CACNG3: variants seen among roughly 807,000 people sequenced by gnomAD.
CACNG3 encodes voltage-dependent calcium channel gamma-3 subunit.
A neutral mutation model predicts 28.5 loss-of-function variants in CACNG3; 3 were observed. The observed-to-expected ratio is 0.11, with a 90% CI of 0.05 to 0.27. The LOEUF (loss-of-function observed/expected upper bound fraction) is 0.27. Among genes scored for constraint, CACNG3 ranks in the 10% least tolerant of loss-of-function variants. The pLI, the probability that CACNG3 is intolerant of heterozygous loss-of-function variation, is 1.00. For missense variants in CACNG3, 236 were observed against 414.4 expected, an observed-to-expected ratio of 0.57 and a Z score of 3.74; for synonymous variants, 174 against 162.2, an observed-to-expected ratio of 1.07 and a Z score of -0.55.
chr16:24,312,806 G>A (rs1899281163), intron 1 of CACNG3, among the ~76,000 whole-genome samples: 1 of 151,272 alleles, frequency 6.6e-6, no homozygotes, highest in East Asian at 1.9e-4. Context: ...ACCACAGAGT[G>A]AGACCTTGTC....
chr16:24,351,441 A>G (rs997027999), intron 2 of CACNG3, among the ~76,000 whole-genome samples: 1 of 151,780 alleles, frequency 6.6e-6, no homozygotes, highest in Non-Finnish European at 1.5e-5. Flanking sequence ...GTATGGTGGC[A>G]TGCGCCTGTA....
At chr16:24,330,085 A>G (rs1240989811) in intron 1 of CACNG3, among the ~76,000 whole-genome samples, 1 of 152,176 alleles carries the variant, frequency 6.6e-6, no homozygotes, top group Non-Finnish European at 1.5e-5. Context: ...AGTGTCTGGT[A>G]ATGAGACATA....
chr16:24,286,787 G>T (rs932210997), intron 1 of CACNG3, among the ~76,000 whole-genome samples: 1 of 152,194 alleles, frequency 6.6e-6, no homozygotes, highest in Non-Finnish European at 1.5e-5. Context: ...ACTGGTAGGT[G>T]GTATAGCTGG....
chr16:24,278,139 T>C (rs1483979711), intron 1 of CACNG3, among the ~76,000 whole-genome samples: 1 of 152,094 alleles, frequency 6.6e-6, no homozygotes, highest in Non-Finnish European at 1.5e-5. Flanking sequence ...CCTTGGAGTA[T>C]GGAAGGTAGT....
chr16:24,280,821 C>CAAAAAAAAAAAAAAAAA (rs71154295), intron 1 of CACNG3, among the ~76,000 whole-genome samples: 2 of 55,626 alleles, frequency 3.6e-5, no homozygotes, highest in Non-Finnish European at 6.4e-5. Flanking sequence ...GAGTTTGTCT[C>CAAAAAAAAAAAAAAAAA]AAAAAAAAAA....
At chr16:24,271,213 T>C (rs550080914) in intron 1 of CACNG3, among the ~76,000 whole-genome samples, 1 of 152,354 alleles carries the variant, frequency 6.6e-6, no homozygotes, top group South Asian at 2.1e-4. Context: ...ACCTCCCTTG[T>C]TCTCTCAGAC....
chr16:24,311,043 GGGCAC>G (rs1198190780), intron 1 of CACNG3, among the ~76,000 whole-genome samples: 2 of 152,126 alleles, frequency 1.3e-5, no homozygotes, highest in Non-Finnish European at 2.9e-5. Flanking sequence ...GCCAGCCCAG[GGGCAC>G]TTGGGTTGTC....
At chr16:24,314,889 A>T (rs374275163) in intron 1 of CACNG3, among the ~76,000 whole-genome samples, 1 of 152,144 alleles carries the variant, frequency 6.6e-6, no homozygotes, top group South Asian at 2.1e-4. Flanking sequence ...GGTTATGATG[A>T]TCGAAAAACC....
chr16:24,331,637 T>A (rs954333263), intron 1 of CACNG3, among the ~76,000 whole-genome samples: 1 of 152,216 alleles, frequency 6.6e-6, no homozygotes. Flanking sequence ...GGACCATACA[T>A]GCTCCTTTTC....
chr16:24,320,270 C>T lies in CACNG3; in HGVS notation c.212-26464C>T, dbSNP rs1178837998. 2.0e-5 allele frequency among the ~76,000 whole-genome samples: 3 copies of T among 152,178 alleles called. 1 individual carries two copies. Among genetic ancestry groups the T allele is most frequent in the Non-Finnish European group, 4.4e-5 (3 of 68,040 alleles). The stretch of plus-strand genomic sequence containing the variant: ...TTACAAAGGCATGAGGGTTCATTTA[C>T]CACAGATAACTTAACACCCCCGGGC... On this transcript the variant is annotated intron_variant, in intron 1 of 3. Transcript: ENST00000005284.
intron 1 of CACNG3, among the ~76,000 whole-genome samples, chr16:24,306,229 A>G (rs2141362393): frequency 6.6e-6 from 1 of 152,246 alleles, no homozygotes; most frequent in East Asian, 1.9e-4. Context: ...ATTTCTTTGC[A>G]TTTGACTGCA....
chr16:24,309,204 A>G (rs1196879118), intron 1 of CACNG3, among the ~76,000 whole-genome samples: 1 of 152,246 alleles, frequency 6.6e-6, no homozygotes, highest in Non-Finnish European at 1.5e-5. Flanking sequence ...CAGAGTAGAA[A>G]AAGAAGGCAG....
intron 2 of CACNG3, among the ~76,000 whole-genome samples, chr16:24,347,360 G>A (rs1343577934): frequency 6.7e-6 from 1 of 148,748 alleles, no homozygotes; most frequent in Non-Finnish European, 1.5e-5. Flanking sequence ...ATGAGAATGA[G>A]AAAGAGAAAG....
intron 2 of CACNG3, among the ~76,000 whole-genome samples, chr16:24,347,072 C>G (rs1899879543): frequency 6.6e-6 from 1 of 152,134 alleles, no homozygotes; most frequent in Non-Finnish European, 1.5e-5. Flanking sequence ...TCCCAGCACT[C>G]TGGGAGGCAG....
intron 1 of CACNG3, among the ~76,000 whole-genome samples, chr16:24,311,618 G>A (rs190027777): frequency 5.3e-5 from 8 of 152,258 alleles, no homozygotes; most frequent in Admixed American, 2.6e-4. Flanking sequence ...CACTTTGGGA[G>A]GCCCAGGCAG....
At chr16:24,310,510 G>A (rs1899246738) in intron 1 of CACNG3, among the ~76,000 whole-genome samples, 1 of 152,198 alleles carries the variant, frequency 6.6e-6, no homozygotes, top group Non-Finnish European at 1.5e-5. Context: ...GTTGCAGTGA[G>A]TCGAGATTGC....
At chr16:24,296,677 A>T (rs1265666272) in intron 1 of CACNG3, among the ~76,000 whole-genome samples, 1 of 152,162 alleles carries the variant, frequency 6.6e-6, no homozygotes, top group Non-Finnish European at 1.5e-5. Context: ...GACAACTACT[A>T]CTGTGTCTGA....
At chr16:24,340,081 G>A (rs997314164) in intron 1 of CACNG3, among the ~76,000 whole-genome samples, 5 of 152,152 alleles carry the variant, frequency 3.3e-5, no homozygotes, top group Non-Finnish European at 7.3e-5. Context: ...ATCTGCCTGA[G>A]CAACATGGCA....
At chr16:24,258,335 G>T (rs1365730462) in intron 1 of CACNG3, among the ~76,000 whole-genome samples, 1 of 152,122 alleles carries the variant, frequency 6.6e-6, no homozygotes, top group Non-Finnish European at 1.5e-5. Flanking sequence ...TGCAACTGGT[G>T]GGAAGCCCAG....
Sources: gnomAD v4.1 joint callset for allele counts (sites outside exome capture counted in the v4.1 genomes callset) on GRCh38, gnomAD v4.1.1 for gene constraint, MANE v1.5 for transcripts, NCBI Gene and HGNC (gene_info 2026-07-23, HGNC 2026-07-21) for gene names.